COL4A4: variants seen among roughly 807,000 people sequenced by gnomAD.
The protein encoded by COL4A4 is collagen type IV alpha 4 chain.
In COL4A4, 105 loss-of-function variants were observed where a neutral mutation model predicts 192.9. The observed-to-expected ratio is 0.54, with a 90% confidence interval of 0.46 to 0.64. The LOEUF (loss-of-function observed/expected upper bound fraction) is 0.64, where lower values mean the gene tolerates loss of function less well. Among genes scored for constraint, COL4A4 ranks in the 30% least tolerant of loss-of-function variants. The pLI is 0.00. For missense variants in COL4A4, 1,967 were observed against 2,169.3 expected (o/e 0.91, Z 1.85); for synonymous variants, 762 against 769.9 (o/e 0.99, Z 0.17).
chr2:227,104,512 G>C (rs924386303), intron 12 of COL4A4, among the ~76,000 whole-genome samples: 2 of 151,236 alleles, frequency 1.3e-5, no homozygotes, highest in African/African-American at 2.4e-5. Context: ...AACCTGGGAG[G>C]TGGAGCTTGC....
chr2:227,032,407 G>A, intron 38 of COL4A4, 131 bp from the exon 39 acceptor site: 3 of 993,898 alleles, frequency 3.0e-6, no homozygotes. Flanking sequence ...ACTGGTTGCA[G>A]TGGTGATCCA....
the COL4A4 span, among the ~76,000 whole-genome samples, chr2:226,972,522 A>G: frequency 6.5e-3 from 994 of 152,296 alleles, 12 homozygotes; most frequent in African/African-American, 0.022. Context: ...CTGGACTCCC[A>G]GGGTCACTAG....
At chr2:227,144,811 T>C (rs1004562498) in intron 2 of COL4A4, among the ~76,000 whole-genome samples, 2 of 152,136 alleles carry the variant, frequency 1.3e-5, no homozygotes, top group Non-Finnish European at 2.9e-5. Flanking sequence ...CTGGGGACCG[T>C]GAGGACCCTC....
At chr2:227,135,057 GAAT>G (rs1202474938) in intron 4 of COL4A4, among the ~76,000 whole-genome samples, 2 of 151,294 alleles carry the variant, frequency 1.3e-5, no homozygotes, top group African/African-American at 4.8e-5. Flanking sequence ...AACTGATAAG[GAAT>G]AATAGAAAAT....
intron 35 of COL4A4, among the ~76,000 whole-genome samples, chr2:227,044,403 T>C (rs1026482679): frequency 9.9e-5 from 15 of 152,204 alleles, no homozygotes; most frequent in African/African-American, 3.6e-4. Flanking sequence ...AATCTGCACA[T>C]AAAATATATG....
chr2:227,001,100 C>CT (rs1193019703), downstream of COL4A4, among the ~76,000 whole-genome samples: 6,799 of 144,250 alleles, frequency 0.047, 362 homozygotes, highest in African/African-American at 0.13. Context: ...TTTCTTTTTT[C>CT]TTTTTTTTTT....
chr2:227,052,940 C>T lies in COL4A4; in HGVS notation c.2861-528G>A, dbSNP rs921721346. ...CTGGCCAGCTGTAGCAATGTGCAGG[C>T]GTGGGCTCCTACCAGCTTGACGAGT... On this transcript the variant is annotated intron_variant, in intron 31 of 47. Coordinates refer to ENST00000396625, the MANE Select transcript of COL4A4 (RefSeq NM_000092.5). Among the ~76,000 whole-genome samples the T allele has an allele frequency of 3.9e-5, 6 of 152,114 alleles. No homozygotes were observed. In the South Asian group the frequency reaches 6.2e-4, roughly 16 times the overall value.
At chr2:226,980,445 C>T in the COL4A4 span, among the ~76,000 whole-genome samples, 2 of 152,230 alleles carry the variant, frequency 1.3e-5, no homozygotes, top group Admixed American at 6.5e-5. Context: ...TGGTTCTGTG[C>T]CTCTTAGCTC....
intron 25 of COL4A4, among the ~76,000 whole-genome samples, chr2:227,077,678 A>G (rs553490476): frequency 2.6e-4 from 40 of 151,246 alleles, no homozygotes; most frequent in African/African-American, 9.8e-4. Flanking sequence ...AAAAAGAAAA[A>G]GAAAAACACT....
rs751663801 is a variant in COL4A4 at position 227,051,090 on chromosome 2, G to A, written c.3037C>T (p.His1013Tyr). 107 of 1,614,026 alleles carry A rather than the reference G, an allele frequency of 6.6e-5. No homozygotes were observed. The highest frequency in any genetic ancestry group is 8.5e-5 in the Non-Finnish European group (100 of 1,180,020). ...EPGRYGPPGF[H>Y]RGEPGEKGQP... ...CCTTTCTCACCAGGTTCCCCTCTGT[G>A]AAATCCAGGTGGTCCGTATCTTCCC... The change falls in exon 33 of 48, where the codon CAC (histidine) becomes TAC (tyrosine). Residue 1013 changes from histidine (H) to tyrosine (Y), a missense_variant. Coordinates refer to ENST00000396625, the MANE Select transcript of COL4A4 (RefSeq NM_000092.5).
At chr2:227,102,880 A>G (rs773709327) in intron 14 of COL4A4, 32 bp from the exon 15 acceptor site, 1 of 1,531,928 alleles carries the variant, frequency 6.5e-7, no homozygotes, top group South Asian at 1.1e-5. Flanking sequence ...AGAGGGGTTC[A>G]AGCAACAATA....
chr2:227,045,898 ATAG>A (rs1285887377), intron 35 of COL4A4, among the ~76,000 whole-genome samples: 1 of 89,126 alleles, frequency 1.1e-5, no homozygotes, highest in Non-Finnish European at 2.2e-5. Flanking sequence ...ATATATTTAG[ATAG>A]TATATATATG....
At chr2:226,981,427 T>C in the COL4A4 span, among the ~76,000 whole-genome samples, 1 of 151,478 alleles carries the variant, frequency 6.6e-6, no homozygotes, top group Non-Finnish European at 1.5e-5. Context: ...AAGGAGCTCA[T>C]TGAACTTCAA....
At chr2:227,147,176 T>TG in intron 2 of COL4A4, 1 of 646,958 alleles carries the variant, frequency 1.5e-6, no homozygotes. Context: ...AGCAAGAATC[T>TG]GGGGCCTTTC....
At chr2:227,112,505 G>A (rs917907578) in intron 8 of COL4A4, among the ~76,000 whole-genome samples, 1 of 152,156 alleles carries the variant, frequency 6.6e-6, no homozygotes, top group Admixed American at 6.5e-5. Flanking sequence ...CTGACCTCAG[G>A]TAATCCACCC....
the COL4A4 span, among the ~76,000 whole-genome samples, chr2:226,989,576 C>T: frequency 6.6e-6 from 1 of 152,164 alleles, no homozygotes; most frequent in South Asian, 2.1e-4. Flanking sequence ...GCAATTGTCC[C>T]ACAAATATTC....
rs1320934340 is a variant in COL4A4, at chr2:227,077,937, G to T, written c.1944C>A (p.Gly648=). Residue 648 remains glycine, a synonymous_variant, in exon 25 of 48, where the codon GGC becomes GGA. Coordinates refer to ENST00000396625, the MANE Select transcript of COL4A4 (RefSeq NM_000092.5). The part of the protein sequence containing the change: ...PGERGHPGVP[G]HPGVRGPDGL... ...CATCAGGGCCCCTCACACCTGGGTGGCCTGGAACTCCTGGGTGGCCTCGCT... is the reference window on the plus strand; with the variant it reads ...CATCAGGGCCCCTCACACCTGGGTGTCCTGGAACTCCTGGGTGGCCTCGCT... The T allele has an allele frequency of 3.7e-6, 6 of 1,613,560 alleles. No homozygotes were observed. The highest frequency in any genetic ancestry group is 5.1e-6 in the Non-Finnish European group (6 of 1,180,002).
At chr2:226,972,075 C>T in the COL4A4 span, among the ~76,000 whole-genome samples, 4 of 152,186 alleles carry the variant, frequency 2.6e-5, no homozygotes, top group Admixed American at 6.5e-5. Context: ...CTTTCCATCC[C>T]CTTGCCCCCT....
At chr2:227,140,264 T>C (rs750915382) in intron 3 of COL4A4, 26 bp from the exon 4 acceptor site, 3 of 1,596,164 alleles carry the variant, frequency 1.9e-6, no homozygotes, top group Admixed American at 3.3e-5. Flanking sequence ...TCTTATTTAG[T>C]ATACCAGTAC....
Sources: gnomAD v4.1 joint callset for allele counts (sites outside exome capture counted in the v4.1 genomes callset) on GRCh38, gnomAD v4.1.1 for gene constraint, MANE v1.5 for transcripts, NCBI Gene and HGNC (gene_info 2026-07-23, HGNC 2026-07-21) for gene names.